Variants in TCF12 observed in about 807,000 individuals in gnomAD.
TCF12 encodes the protein transcription factor 12.
A neutral mutation model predicts 86.0 loss-of-function variants in TCF12; 45 were observed. That is an observed-to-expected ratio of 0.52 (90% CI 0.41 to 0.67). The LOEUF is 0.67. Ranked by LOEUF, TCF12 falls within the 30% of genes least tolerant of loss-of-function variation. The probability of loss-of-function intolerance (pLI) is 0.00; values close to 1 mark genes in which losing one functional copy is unlikely to be tolerated. For missense variants in TCF12, 881 were observed against 859.9 expected, an observed-to-expected ratio of 1.02 and a Z score of -0.31; for synonymous variants, 330 against 299.6, an observed-to-expected ratio of 1.10 and a Z score of -1.05.
chr15:57,099,136 G>A (rs2049546657), intron 5 of TCF12, among the ~76,000 whole-genome samples: 1 of 152,078 alleles, frequency 6.6e-6, no homozygotes, highest in Non-Finnish European at 1.5e-5. Context: ...TGGCAGTATC[G>A]TCTTTTTCCA....
intron 8 of TCF12, among the ~76,000 whole-genome samples, chr15:57,218,539 A>G (rs1283323677): frequency 2.0e-5 from 3 of 152,228 alleles, no homozygotes; most frequent in Non-Finnish European, 2.9e-5. Flanking sequence ...AAATGTGAGC[A>G]TTAGCATAAA....
chr15:56,918,549 G>A, upstream of TCF12: 1 of 272,304 alleles, frequency 3.7e-6, no homozygotes, highest in Non-Finnish European at 7.3e-6. Flanking sequence ...GCTCCTCCCC[G>A]CCCCCTCTGC....
At chr15:57,225,965 C>T (rs542833540) in intron 8 of TCF12, among the ~76,000 whole-genome samples, 7 of 150,972 alleles carry the variant, frequency 4.6e-5, no homozygotes, top group Admixed American at 4.6e-4. Context: ...CACCCATTAA[C>T]TTGTCATTTA....
chr15:57,186,868 A>G (rs2056694952), intron 6 of TCF12, among the ~76,000 whole-genome samples: 1 of 152,084 alleles, frequency 6.6e-6, no homozygotes, highest in Non-Finnish European at 1.5e-5. Flanking sequence ...AACCCATATG[A>G]TTGTCTCAAT....
intron 13 of TCF12, among the ~76,000 whole-genome samples, chr15:57,246,258 A>G (rs1157263542): frequency 6.6e-6 from 1 of 152,188 alleles, no homozygotes; most frequent in Non-Finnish European, 1.5e-5. Context: ...TTCTAAGGCC[A>G]TCATTCTTTA....
rs869113042 is a variant in TCF12, at chr15:57,136,958, G to GTTTTTTTTTTTT, written c.326-29433_326-29432insTTTTTTTTTTTT. ...TAGACAATAGCCACTGCTTCTGGCA[G>GTTTTTTTTTTTT]TTTTTTTTTTTGTTTTTTTTTTTTT... On this transcript the variant is annotated intron_variant, in intron 5 of 20. Transcript: ENST00000333725. Among the ~76,000 whole-genome samples, 25 of 83,044 alleles carry GTTTTTTTTTTTT rather than the reference G, an allele frequency of 3.0e-4. 11 individuals carry two copies. The highest frequency in any genetic ancestry group is 0.022 in the Middle Eastern group (2 of 92). 54.5% of individuals were successfully genotyped at this position (83,044 alleles called of 152,430 possible). A position where few individuals can be genotyped will look rare whatever the true frequency, so the allele number is the denominator to read the frequency against.
intron 5 of TCF12, among the ~76,000 whole-genome samples, chr15:57,116,498 A>G (rs2050847066): frequency 6.6e-6 from 1 of 152,066 alleles, no homozygotes; most frequent in Non-Finnish European, 1.5e-5. Flanking sequence ...GGCACATGCC[A>G]CCATGCCTGG....
chr15:57,031,154 G>T (rs1201169829), intron 3 of TCF12, among the ~76,000 whole-genome samples: 1 of 152,166 alleles, frequency 6.6e-6, no homozygotes, highest in Non-Finnish European at 1.5e-5. Context: ...ATCAGATGCT[G>T]CTCTCTCTAT....
At chr15:57,255,803 A>G (rs1369933566) in intron 16 of TCF12, among the ~76,000 whole-genome samples, 1 of 152,140 alleles carries the variant, frequency 6.6e-6, no homozygotes, top group African/African-American at 2.4e-5. Context: ...TAAAAAGAAA[A>G]AAAAAATCTC....
intron 12 of TCF12, 68 bp downstream of exon 12, chr15:57,234,175 TA>T: frequency 8.1e-7 from 1 of 1,229,502 alleles, no homozygotes; most frequent in Non-Finnish European, 1.2e-6. Flanking sequence ...TTAGATTTTG[TA>T]GGTGATAAGT....
intron 13 of TCF12, among the ~76,000 whole-genome samples, chr15:57,246,801 G>C (rs1305121480): frequency 6.6e-6 from 1 of 152,170 alleles, no homozygotes; most frequent in Non-Finnish European, 1.5e-5. Context: ...TGTTTCAGCT[G>C]CAGTAACTTT....
intron 3 of TCF12, among the ~76,000 whole-genome samples, chr15:57,001,009 A>C (rs1340487763): frequency 2.2e-5 from 3 of 135,938 alleles, no homozygotes; most frequent in Admixed American, 1.5e-4. Flanking sequence ...AAATTTAAAA[A>C]AAATTTTTTT....
intron 3 of TCF12, among the ~76,000 whole-genome samples, chr15:56,997,484 A>AG (rs2063776419): frequency 6.6e-6 from 1 of 152,182 alleles, no homozygotes; most frequent in Admixed American, 6.5e-5. Flanking sequence ...AGGAAGGGAA[A>AG]GGAGTAAGGG....
intron 5 of TCF12, among the ~76,000 whole-genome samples, chr15:57,114,802 T>C (rs779702722): frequency 6.6e-6 from 1 of 152,218 alleles, no homozygotes; most frequent in Non-Finnish European, 1.5e-5. Context: ...TTTTAAGTTG[T>C]TGTATATCTT....
chr15:57,262,237 A>G (rs956523991), intron 17 of TCF12, 29 bp downstream of exon 17: 10 of 1,439,624 alleles, frequency 6.9e-6, no homozygotes, highest in Non-Finnish European at 9.7e-6. Flanking sequence ...TTCAGAAATA[A>G]TGCAGACAGA....
intron 3 of TCF12, among the ~76,000 whole-genome samples, chr15:57,038,681 C>G (rs1273988665): frequency 2.0e-5 from 3 of 151,902 alleles, no homozygotes; most frequent in African/African-American, 7.3e-5. Flanking sequence ...AAGCGACAAG[C>G]CATAGAGTTT....
Position 57,282,225 on chromosome 15 carries a change from A to G in TCF12, c.1979-220A>G. On this transcript the variant is annotated intron_variant, in intron 19 of 20. Transcript: ENST00000333725. ...ATCAAATCAAACCCTAGAAAACTAAATCATAAGCAAAAAATGAAGAAAACA... is the reference window on the plus strand; with the variant it reads ...ATCAAATCAAACCCTAGAAAACTAAGTCATAAGCAAAAAATGAAGAAAACA... 5 of 580,470 alleles carry G rather than the reference A, an allele frequency of 8.6e-6. No homozygotes were observed. In the South Asian group the frequency reaches 1.0e-4, roughly 12 times the overall value. The allele number at this position is 580,470 out of a possible 1,614,324, so 36.0% of individuals were successfully genotyped here.
chr15:57,164,761 A>G (rs545959559), intron 5 of TCF12, among the ~76,000 whole-genome samples: 2 of 151,966 alleles, frequency 1.3e-5, no homozygotes, highest in South Asian at 2.1e-4. Context: ...GCTGACCACA[A>G]CCTCTGCCTC....
intron 13 of TCF12, chr15:57,247,210 A>G: frequency 3.3e-6 from 2 of 615,038 alleles, no homozygotes; most frequent in Non-Finnish European, 6.0e-6. Context: ...TACTACTGTA[A>G]CCAGGACTAC....
Sources: gnomAD v4.1 joint callset for allele counts (sites outside exome capture counted in the v4.1 genomes callset) on GRCh38, gnomAD v4.1.1 for gene constraint, MANE v1.5 for transcripts, NCBI Gene and HGNC (gene_info 2026-07-23, HGNC 2026-07-21) for gene names.